Variants in OR6F1 observed in about 807,000 individuals in gnomAD.
The protein encoded by OR6F1 is olfactory receptor 6F1.
For missense variants in OR6F1, 346 were observed against 376.0 expected, an observed-to-expected ratio of 0.92 and a Z score of 0.66; for synonymous variants, 144 against 150.0, an observed-to-expected ratio of 0.96 and a Z score of 0.29.
chr1:247,711,776 C>T lies in OR6F1; in HGVS notation c.*53G>A. The T allele has an allele frequency of 4.2e-6, 5 of 1,202,814 alleles. No individual in the cohort carries two copies. Among genetic ancestry groups the T allele is most frequent in the South Asian group, 1.3e-5 (1 of 74,234 alleles). 74.5% of individuals were successfully genotyped at this position (1,202,814 alleles called of 1,614,324 possible). ...ATTCCTCCACATTCTTACTTGGAAC[C>T]TCTGTATAGATGCAGAGACCATTTA... On this transcript the variant is annotated 3_prime_UTR_variant, in exon 3 of 3. Transcript: ENST00000641470.
In OR6F1 at chr1:247,712,225, G is replaced by T. The variant is rs1226256734; in HGVS notation, c.531C>A (p.Phe177Leu). The change falls in exon 3 of 3, where the codon TTC (phenylalanine) becomes TTA (leucine). Residue 177 changes from phenylalanine to leucine, a missense_variant. Physicochemically the swap from Phe to Leu is conservative, Grantham distance 22. Coordinates refer to ENST00000641470, the MANE Select transcript of OR6F1 (RefSeq NM_001005286.2). Reference sequence around the variant, plus strand: ...CAATCCAGGGTGCAATGTCACAGAAGAAGTGGTTGATGGCACGGGGGCCAC... The same window carrying T: ...CAATCCAGGGTGCAATGTCACAGAATAAGTGGTTGATGGCACGGGGGCCAC... ...SFCGPRAINH[F>L]FCDIAPWIAL... The T allele has an allele frequency of 6.2e-7, 1 of 1,614,118 alleles. No individual in the cohort carries two copies. Among genetic ancestry groups the T allele is most frequent in the Non-Finnish European group, 8.5e-7 (1 of 1,180,038 alleles).
In OR6F1 at chr1:247,712,672, A is replaced by AG. The variant is rs752225816; in HGVS notation, c.83_84insC (p.Met29TyrfsTer12). ...GGATGTACATCACCAGAAAAAGCAT[A>AG]AAGAGAGAGAGCTGAAGAGTTTGAG... is the stretch of plus-strand genomic sequence containing the variant. On this transcript the variant is annotated frameshift_variant, in exon 3 of 3. Transcript: ENST00000641470. LOFTEE classifies it low-confidence loss of function (END_TRUNC). The AG allele has an allele frequency of 6.0e-5, 97 of 1,611,024 alleles. No homozygotes were observed. Among genetic ancestry groups the AG allele is most frequent in the Middle Eastern group, 1.6e-4 (1 of 6,080 alleles).
At chr1:247,714,462 A>T (rs1232138148) in intron 1 of OR6F1, among the ~76,000 whole-genome samples, 1 of 152,060 alleles carries the variant, frequency 6.6e-6, no homozygotes, top group Non-Finnish European at 1.5e-5. Context: ...CTACAAATTT[A>T]TTGTATTTTT....
At chr1:247,713,142 G>A (rs1222815733) in intron 2 of OR6F1, among the ~76,000 whole-genome samples, 1 of 152,258 alleles carries the variant, frequency 6.6e-6, no homozygotes, top group African/African-American at 2.4e-5. Flanking sequence ...CCCAGAAAGC[G>A]CTGACTGAAT....
At chr1:247,714,251 G>A (rs1010936798) in intron 1 of OR6F1, among the ~76,000 whole-genome samples, 3 of 152,046 alleles carry the variant, frequency 2.0e-5, no homozygotes, top group African/African-American at 4.8e-5. Context: ...CTCTCTGGCC[G>A]CCCCCTTTCT....
chr1:247,715,855 A>G (rs1267411551), intron 1 of OR6F1, among the ~76,000 whole-genome samples: 1 of 152,168 alleles, frequency 6.6e-6, no homozygotes, highest in Admixed American at 6.5e-5. Context: ...GCACTATCTT[A>G]TTTAAAAACA....
Position 247,711,493 on chromosome 1 carries a change from C to T in OR6F1, c.*336G>A, listed in dbSNP as rs1200627544. ...TAGTTCTCAATATTTTATACTAAGA[C>T]AATTTTGCTAATCTTTAAAAAGAAA... On this transcript the variant is annotated 3_prime_UTR_variant, in exon 3 of 3. Coordinates refer to ENST00000641470, the MANE Select transcript of OR6F1 (RefSeq NM_001005286.2). 5.3e-6 allele frequency: 1 copy of T among 188,990 alleles called. No homozygotes were observed. The highest frequency in any genetic ancestry group is 1.2e-4 in the South Asian group (1 of 8,024). The allele number at this position is 188,990 out of a possible 1,614,324, so 11.7% of individuals were successfully genotyped here.
rs1249765534 is a variant in OR6F1 at position 247,712,090 on chromosome 1, G to A, written c.666C>T (p.Ile222=). 3 of 1,614,078 alleles carry A rather than the reference G, an allele frequency of 1.9e-6. No individual in the cohort carries two copies. The African/African-American group carries it at 4.0e-5, about 22-fold the overall frequency. ...CAGAGGGGATCCTGAGGATGGTGCT[G>A]ATGATGTACACATAGGAGACAAAGG... is the stretch of plus-strand genomic sequence containing the variant. ...LITFVSYVYI[I]STILRIPSAS... The change falls in exon 3 of 3, where the codon ATC becomes ATT. Residue 222 remains isoleucine, a synonymous_variant. Transcript: ENST00000641470.
At position 247,711,898 on chromosome 1, in the gene OR6F1, G is replaced by T; in HGVS notation, c.858C>A (p.Asn286Lys). 6.2e-7 allele frequency: 1 copy of T among 1,613,834 alleles called. No homozygotes were observed. The highest frequency in any genetic ancestry group is 8.5e-7 in the Non-Finnish European group (1 of 1,179,760). ...VLNTVVTPVL[N>K]PFIYTLRNKE... is the part of the protein sequence containing the mutation. ...TATTACGAAGCGTATAGATGAAGGG[G>T]TTTAAAACTGGAGTCACCACAGTGT... Residue 286 changes from asparagine to lysine, a missense_variant, in exon 3 of 3, where the codon AAC (asparagine) becomes AAA (lysine). Transcript: ENST00000641470.
At position 247,712,498 on chromosome 1, in the gene OR6F1, C is replaced by T. The variant is rs868327880; in HGVS notation, c.258G>A (p.Leu86=). The T allele has an allele frequency of 5.6e-6, 9 of 1,614,100 alleles. 1 individual carries two copies. The highest frequency in any genetic ancestry group is 1.6e-4 in the Middle Eastern group (1 of 6,062). The change falls in exon 3 of 3, where the codon CTG becomes CTA. Residue 86 remains leucine (L), a synonymous_variant. Transcript: ENST00000641470. ...TAAATGATATGGTCTGACTTCTCCC[C>T]AGTAGGATGGCCAGTGCTTTGGGCA... ...AAVPKALAIL[L]GRSQTISFTS... is the part of the protein sequence containing the mutation.
At chr1:247,713,147 C>A (rs1361826002) in intron 2 of OR6F1, among the ~76,000 whole-genome samples, 1 of 152,220 alleles carries the variant, frequency 6.6e-6, no homozygotes, top group Non-Finnish European at 1.5e-5. Flanking sequence ...AAAGCGCTGA[C>A]TGAATTTACT....
Position 247,711,771 on chromosome 1 carries a change from G to T in OR6F1, c.*58C>A. 8.9e-7 allele frequency: 1 copy of T among 1,123,756 alleles called. No individual in the cohort carries two copies. Among genetic ancestry groups the T allele is most frequent in the Non-Finnish European group, 1.3e-6 (1 of 764,924 alleles). 69.6% of individuals were successfully genotyped at this position (1,123,756 alleles called of 1,614,324 possible). On this transcript the variant is annotated 3_prime_UTR_variant, in exon 3 of 3. Transcript: ENST00000641470. ...GCCCTATTCCTCCACATTCTTACTT[G>T]GAACCTCTGTATAGATGCAGAGACC...
chr1:247,716,399 T>C lies in OR6F1; in HGVS notation c.-195A>G, dbSNP rs1232144689. On this transcript the variant is annotated 5_prime_UTR_variant, in exon 1 of 3. The change creates a new upstream start codon in the 5' untranslated region. Coordinates refer to ENST00000641470, the MANE Select transcript of OR6F1 (RefSeq NM_001005286.2). ...CTTGACCTTACTTTTACTCATTTTT[T>C]ATTCCATGATTTTCTTTATTTAAAA... The C allele has an allele frequency of 6.6e-6, 1 of 152,254 alleles. No individual in the cohort carries two copies. Among genetic ancestry groups the C allele is most frequent in the Non-Finnish European group, 1.5e-5 (1 of 68,048 alleles). 9.4% of individuals were successfully genotyped at this position (152,254 alleles called of 1,614,324 possible). A position where few individuals can be genotyped will look rare whatever the true frequency, so the allele number is the denominator to read the frequency against.
At chr1:247,715,912 T>G (rs1325569746) in intron 1 of OR6F1, among the ~76,000 whole-genome samples, 1 of 152,168 alleles carries the variant, frequency 6.6e-6, no homozygotes, top group East Asian at 1.9e-4. Context: ...TCAGTATTGA[T>G]TGAATACTAT....
Position 247,716,466 on chromosome 1 carries a change from T to G in OR6F1, c.-262A>C, listed in dbSNP as rs189290330. ...GCAATTATTCCCTCTATATCTCTGT[T>G]TTTCTTTGATTATCTTGCTGTTTAA... On this transcript the variant is annotated 5_prime_UTR_variant, in exon 1 of 3. Transcript: ENST00000641470. 169 of 152,324 alleles carry G rather than the reference T, an allele frequency of 1.1e-3. 1 individual carries two copies. The highest frequency in any genetic ancestry group is 3.9e-3 in the African/African-American group (164 of 41,580). The allele number at this position is 152,324 out of a possible 1,614,324, so 9.4% of individuals were successfully genotyped here.
At chr1:247,712,952 C>T (rs2103189859) in intron 2 of OR6F1, 135 bp from the exon 3 acceptor site, 2 of 499,050 alleles carry the variant, frequency 4.0e-6, no homozygotes, top group East Asian at 6.2e-5. Context: ...TTTAATGAAA[C>T]AGTGAGATAT....
At chr1:247,713,845 C>G (rs1011322994) in intron 2 of OR6F1, 46 bp downstream of exon 2, 2 of 398,342 alleles carry the variant, frequency 5.0e-6, no homozygotes, top group Non-Finnish European at 8.9e-6. Context: ...GGCATTTAGA[C>G]TATAAAATGG....
intron 1 of OR6F1, among the ~76,000 whole-genome samples, chr1:247,714,494 A>G (rs1055540559): frequency 6.6e-6 from 1 of 152,166 alleles, no homozygotes; most frequent in Non-Finnish European, 1.5e-5. Context: ...ATATAAGACC[A>G]AGTTCTAACC....
At position 247,711,644 on chromosome 1, in the gene OR6F1, T is replaced by A. The variant is rs1659999157; in HGVS notation, c.*185A>T. The A allele has an allele frequency of 2.0e-6, 1 of 490,524 alleles. No individual in the cohort carries two copies. The highest frequency in any genetic ancestry group is 3.6e-5 in the Admixed American group (1 of 27,754). 30.4% of individuals were successfully genotyped at this position (490,524 alleles called of 1,614,324 possible). On this transcript the variant is annotated 3_prime_UTR_variant, in exon 3 of 3. Coordinates refer to ENST00000641470, the MANE Select transcript of OR6F1 (RefSeq NM_001005286.2). ...TTTTTGCTTAAAAATCCCATTTGCT[T>A]ATGTCAAAAACTCCCATTTTTATCA...
Sources: allele counts gnomAD v4.1 joint callset (sites outside exome capture counted in the v4.1 genomes callset), GRCh38; gene constraint gnomAD v4.1.1; transcripts MANE v1.5; gene names NCBI Gene and HGNC (gene_info 2026-07-23, HGNC 2026-07-21).